Variants in ABR observed in about 807,000 individuals in gnomAD.
The protein encoded by ABR is ABR activator of RhoGEF and GTPase.
Under a neutral mutation model 107.2 loss-of-function variants are expected in ABR, and 35 were observed. The observed-to-expected ratio is 0.33, with a 90% CI of 0.25 to 0.43. ABR has a LOEUF of 0.43. Ranked by LOEUF, ABR falls within the 20% of genes least tolerant of loss-of-function variation. ABR has a pLI of 1.00. For missense variants in ABR, 815 were observed against 1,115.2 expected, an observed-to-expected ratio of 0.73 and a Z score of 3.83; for synonymous variants, 498 against 462.0, an observed-to-expected ratio of 1.08 and a Z score of -1.00.
At chr17:1,138,671 G>A (rs1329869129) in intron 1 of ABR, among the ~76,000 whole-genome samples, 1 of 152,018 alleles carries the variant, frequency 6.6e-6, no homozygotes, top group African/African-American at 2.4e-5. Flanking sequence ...TAGACACAGG[G>A]TCTTGCTATG....
intron 2 of ABR, among the ~76,000 whole-genome samples, chr17:1,118,201 G>A (rs1314403990): frequency 7.9e-5 from 5 of 63,122 alleles, no homozygotes; most frequent in African/African-American, 1.9e-4. Flanking sequence ...CCTCCCCAGC[G>A]TTATCCCTGA....
intron 16 of ABR, among the ~76,000 whole-genome samples, chr17:1,028,671 TG>T: frequency 6.6e-6 from 1 of 152,306 alleles, no homozygotes; most frequent in East Asian, 1.9e-4. Flanking sequence ...AGGAGCTCTT[TG>T]GAAGTAGGGG....
In ABR at chr17:1,196,128, C is replaced by CAA. The variant is rs71148443; in HGVS notation, c.838+32663_838+32664dup. 2.3e-3 allele frequency among the ~76,000 whole-genome samples: 284 copies of CAA among 123,858 alleles called. 4 individuals carry two copies. Among genetic ancestry groups the CAA allele is most frequent in the African/African-American group, 8.5e-3 (266 of 31,378 alleles). The allele number at this position is 123,858 out of a possible 152,430, so 81.3% of individuals were successfully genotyped here. A position where few individuals can be genotyped will look rare whatever the true frequency, so the allele number is the denominator to read the frequency against. On this transcript the variant is annotated intron_variant, in intron 1 of 22. Coordinates refer to the ABR transcript ENST00000574139. Reference sequence around the variant, plus strand: ...TGAGCAACAGAGCGAGATTCTGTCTCAAAAAAAAAAAAAAAAATAGGCAAG... The same window carrying CAA: ...TGAGCAACAGAGCGAGATTCTGTCTCAAAAAAAAAAAAAAAAAAATAGGCAAG...
chr17:1,028,771 T>G (rs1047806671), intron 16 of ABR, among the ~76,000 whole-genome samples: 1 of 152,188 alleles, frequency 6.6e-6, no homozygotes, highest in African/African-American at 2.4e-5. Context: ...CGGCTCAGCC[T>G]GAGTCCCCAC....
At chr17:1,180,225 C>G (rs1026656867), upstream of ABR, among the ~76,000 whole-genome samples, 1 of 152,070 alleles carries the variant, frequency 6.6e-6, no homozygotes, top group Non-Finnish European at 1.5e-5. Context: ...TCGTCCCCCC[C>G]GCGCCGGGCT....
intron 1 of ABR, among the ~76,000 whole-genome samples, chr17:1,162,335 G>A (rs1043467741): frequency 6.6e-6 from 1 of 152,204 alleles, no homozygotes; most frequent in East Asian, 1.9e-4. Flanking sequence ...GACTCGGCAA[G>A]AACAGCTGCA....
At position 1,050,746 on chromosome 17, in the gene ABR, C is replaced by T. The variant is rs1044839917; in HGVS notation, c.1562-112G>A. The stretch of plus-strand genomic sequence containing the variant: ...GCATCTGTCCTTTCCAACGTCCCCA[C>T]GGATGGCATCTTGGCTCTCTCCTCC... On this transcript the variant is annotated intron_variant, in intron 14 of 22. Coordinates refer to ENST00000302538, the MANE Select transcript of ABR (RefSeq NM_021962.5). This position sits in a 1 kb window ranked among gnomAD's most constrained non-coding sequence, Gnocchi z 4.6. The T allele has an allele frequency of 3.1e-5, 26 of 835,478 alleles. No homozygotes were observed. Among genetic ancestry groups the T allele is most frequent in the African/African-American group, 2.5e-4 (15 of 59,930 alleles). 51.8% of individuals were successfully genotyped at this position (835,478 alleles called of 1,614,324 possible).
rs562461064 is a variant in ABR at position 1,013,890 on chromosome 17, G to A, written c.1792-726C>T. ...CAACCCTCACACAGGACTGTTCCAC[G>A]TTCTGTTTCTGTAACTCGGGGGCCT... On this transcript the variant is annotated intron_variant, in intron 16 of 22. Transcript: ENST00000302538. 1.2e-4 allele frequency among the ~76,000 whole-genome samples: 18 copies of A among 152,352 alleles called. No homozygotes were observed. The East Asian group carries it at 3.3e-3, about 28-fold the overall frequency.
At position 1,010,192 on chromosome 17, in the gene ABR, G is replaced by C; in HGVS notation, c.2237-408C>G. Reference sequence around the variant, plus strand: ...GGAGCGTGGGTGCAAGCAGCCTTCCGTGGGGGCTGAAGCTCCAGTCTGCCC... The same window carrying C: ...GGAGCGTGGGTGCAAGCAGCCTTCCCTGGGGGCTGAAGCTCCAGTCTGCCC... On this transcript the variant is annotated intron_variant, in intron 20 of 22. Coordinates refer to ENST00000302538, the MANE Select transcript of ABR (RefSeq NM_021962.5). This position sits in a 1 kb window ranked among gnomAD's most constrained non-coding sequence, Gnocchi z 4.1. 4.1e-6 allele frequency: 1 copy of C among 245,158 alleles called. No individual in the cohort carries two copies. The highest frequency in any genetic ancestry group is 6.9e-5 in the South Asian group (1 of 14,588). 15.2% of individuals were successfully genotyped at this position (245,158 alleles called of 1,614,324 possible). A position where few individuals can be genotyped will look rare whatever the true frequency, so the allele number is the denominator to read the frequency against.
chr17:1,006,843 C>T (rs9896496), intron 22 of ABR, among the ~76,000 whole-genome samples: 3 of 11,270 alleles, frequency 2.7e-4, no homozygotes, highest in Admixed American at 9.2e-4. Flanking sequence ...AGGGTACCTG[C>T]GCCATGACGT....
upstream of ABR, among the ~76,000 whole-genome samples, chr17:1,188,793 G>A (rs11868595): frequency 3.7e-4 from 57 of 152,146 alleles, no homozygotes; most frequent in African/African-American, 1.2e-3. Flanking sequence ...ACTAAATTTC[G>A]CCTTCATAAA....
intron 14 of ABR, chr17:1,055,142 G>A (rs558425894): frequency 1.3e-5 from 2 of 152,192 alleles, no homozygotes; most frequent in South Asian, 2.1e-4. Flanking sequence ...AGGCTGAGGT[G>A]GGAGGATGGC....
intron 3 of ABR, among the ~76,000 whole-genome samples, chr17:1,095,308 A>C (rs112176901): frequency 0.026 from 3,962 of 152,338 alleles, 77 homozygotes; most frequent in Non-Finnish European, 0.041. Flanking sequence ...ACAGCCAGTC[A>C]CAAGGACGGG....
rs375969999 is a variant in ABR, at chr17:1,150,886, G to A, written c.62-25519C>T. ...CCCTCCCTTGCTGAGCTACTGGTGC[G>A]CGTATGTGTGCATATATATACACAT... On this transcript the variant is annotated intron_variant, in intron 1 of 22. Transcript: ENST00000302538. This position sits in a 1 kb window ranked among gnomAD's most constrained non-coding sequence, Gnocchi z 4.8. Among the ~76,000 whole-genome samples, 22 of 152,222 alleles carry A rather than the reference G, an allele frequency of 1.4e-4. No homozygotes were observed. The South Asian group carries it at 4.1e-3, about 29-fold the overall frequency.
Position 1,119,846 on chromosome 17 carries a change from G to A in ABR, c.246+5337C>T, listed in dbSNP as rs190532638. On this transcript the variant is annotated intron_variant, in intron 2 of 22. Coordinates refer to ENST00000302538, the MANE Select transcript of ABR (RefSeq NM_021962.5). ...ATAGAAACCCAAGTTTCAATAACAC[G>A]CTGCCCCACTGGCTGCATGGTCTTG... is the stretch of plus-strand genomic sequence containing the variant. Among the ~76,000 whole-genome samples, 11 of 152,310 alleles carry A rather than the reference G, an allele frequency of 7.2e-5. No homozygotes were observed. In the East Asian group the frequency reaches 1.4e-3, roughly 19 times the overall value.
chr17:1,127,355 G>A (rs2039646131), intron 1 of ABR, among the ~76,000 whole-genome samples: 1 of 152,248 alleles, frequency 6.6e-6, no homozygotes, highest in South Asian at 2.1e-4. Flanking sequence ...ACTGAGATGT[G>A]TGTAGGCCAC....
chr17:1,028,240 G>A (rs568982696), intron 16 of ABR, among the ~76,000 whole-genome samples: 45 of 150,036 alleles, frequency 3.0e-4, no homozygotes, highest in Admixed American at 1.2e-3. Flanking sequence ...ACAGGTGCCC[G>A]CCACCATGCC....
intron 1 of ABR, among the ~76,000 whole-genome samples, chr17:1,166,199 G>C (rs1405842287): frequency 6.6e-6 from 1 of 152,108 alleles, no homozygotes; most frequent in African/African-American, 2.4e-5. Flanking sequence ...GTTCAAAGCA[G>C]GACAGGCAAG....
At chr17:1,072,908 C>T (rs111583617) in intron 7 of ABR, among the ~76,000 whole-genome samples, 154 bp from the exon 8 acceptor site, 2,884 of 152,262 alleles carry the variant, frequency 0.019, 69 homozygotes, top group South Asian at 0.14. Context: ...AGGCCGGGCA[C>T]GGCGGCTCAT....
Sources: allele counts gnomAD v4.1 joint callset (sites outside exome capture counted in the v4.1 genomes callset), GRCh38; gene constraint gnomAD v4.1.1; non-coding constraint Gnocchi (gnomAD v3.1); transcripts MANE v1.5; gene names NCBI Gene and HGNC (gene_info 2026-07-23, HGNC 2026-07-21).